SUFU: variants seen among roughly 807,000 people sequenced by gnomAD.
SUFU encodes SUFU negative regulator of hedgehog signaling, also known as suppressor of fused homolog.
SUFU carries 7 observed loss-of-function variants against 58.9 expected under a neutral mutation model. The observed-to-expected ratio is 0.12, with a 90% CI of 0.07 to 0.22. The LOEUF (loss-of-function observed/expected upper bound fraction) is 0.22, where lower values mean the gene tolerates loss of function less well. SUFU is among the 10% of genes least tolerant of loss of function. The probability of loss-of-function intolerance (pLI) is 1.00; values close to 1 mark genes in which losing one functional copy is unlikely to be tolerated. For missense variants in SUFU, 451 were observed against 641.3 expected (o/e 0.70, Z 3.20); for synonymous variants, 232 against 254.8 (o/e 0.91, Z 0.85).
In SUFU at chr10:102,628,201, A is replaced by C. The variant is rs1415616502; in HGVS notation, c.1365+958A>C. Among the ~76,000 whole-genome samples the C allele has an allele frequency of 6.6e-6, 1 of 152,118 alleles. No individual in the cohort carries two copies. The highest frequency in any genetic ancestry group is 1.9e-4 in the East Asian group (1 of 5,182). On this transcript the variant is annotated intron_variant, in intron 11 of 11. Coordinates refer to ENST00000369902, the MANE Select transcript of SUFU (RefSeq NM_016169.4). This position sits in a 1 kb window ranked among gnomAD's most constrained non-coding sequence, Gnocchi z 4.5. ...GCCAGGGCTGGAGCTTCCAGCTTCC[A>C]GGGCTCCCTGGGCTGCAACAGCCAG...
At chr10:102,577,889 G>A (rs2063230083) in intron 3 of SUFU, among the ~76,000 whole-genome samples, 1 of 146,664 alleles carries the variant, frequency 6.8e-6, no homozygotes, top group Non-Finnish European at 1.5e-5. Context: ...CACCATGTTA[G>A]CCAGGATGGT....
At chr10:102,558,630 G>A (rs1287120540) in intron 3 of SUFU, among the ~76,000 whole-genome samples, 2 of 152,206 alleles carry the variant, frequency 1.3e-5, no homozygotes, top group East Asian at 1.9e-4. Context: ...CAGGATTTAC[G>A]TTGAAAGTCT....
chr10:102,628,124 C>T lies in SUFU; in HGVS notation c.1365+881C>T, dbSNP rs2063803100. On this transcript the variant is annotated intron_variant, in intron 11 of 11. Coordinates refer to ENST00000369902, the MANE Select transcript of SUFU (RefSeq NM_016169.4). This position sits in a 1 kb window ranked among gnomAD's most constrained non-coding sequence, Gnocchi z 4.5. ...GCTTGGGGGAGAACTCCTTCGCCTC[C>T]CAGGGGCCAGGCTTTCTACCAAGAG... 6.6e-6 allele frequency among the ~76,000 whole-genome samples: 1 copy of T among 152,164 alleles called. No homozygotes were observed. The highest frequency in any genetic ancestry group is 2.1e-4 in the South Asian group (1 of 4,830).
chr10:102,608,962 C>T (rs1326374745), intron 8 of SUFU, among the ~76,000 whole-genome samples: 4 of 152,128 alleles, frequency 2.6e-5, no homozygotes, highest in Admixed American at 6.5e-5. Context: ...CCCTGTCTTC[C>T]AGGAAGGCAG....
At chr10:102,597,319 C>A (rs766479819) in intron 7 of SUFU, 26 bp downstream of exon 7, 1 of 1,606,902 alleles carries the variant, frequency 6.2e-7, no homozygotes, top group Non-Finnish European at 8.5e-7. Context: ...CAGCATTCCA[C>A]CAGCCTTCCT....
chr10:102,626,124 G>C (rs1301811528), intron 10 of SUFU, among the ~76,000 whole-genome samples: 1 of 152,260 alleles, frequency 6.6e-6, no homozygotes, highest in African/African-American at 2.4e-5. Flanking sequence ...GTGGAGGGAG[G>C]CTGGGAGGCC....
At chr10:102,528,526 C>T (rs948431209) in intron 2 of SUFU, among the ~76,000 whole-genome samples, 2 of 152,070 alleles carry the variant, frequency 1.3e-5, no homozygotes, top group Non-Finnish European at 2.9e-5. Context: ...GCTGTGATCA[C>T]GGCACTACAC....
intron 3 of SUFU, among the ~76,000 whole-genome samples, chr10:102,578,172 G>A (rs895699063): frequency 6.8e-6 from 1 of 148,096 alleles, no homozygotes; most frequent in African/African-American, 2.5e-5. Context: ...GCTGGGCGTG[G>A]TGGTGGGCGC....
At chr10:102,562,804 T>C (rs1357906736) in intron 3 of SUFU, among the ~76,000 whole-genome samples, 4 of 152,036 alleles carry the variant, frequency 2.6e-5, no homozygotes, top group Non-Finnish European at 5.9e-5. Flanking sequence ...GGCATGAGAA[T>C]TGCTTGAACC....
intron 1 of SUFU, among the ~76,000 whole-genome samples, chr10:102,507,704 T>C (rs1191033419): frequency 6.6e-6 from 1 of 152,268 alleles, no homozygotes; most frequent in Non-Finnish European, 1.5e-5. Context: ...AGTGTTTAAA[T>C]TGCCTGGTGC....
At chr10:102,548,896 T>C (rs184740538) in intron 2 of SUFU, among the ~76,000 whole-genome samples, 2 of 152,340 alleles carry the variant, frequency 1.3e-5, no homozygotes, top group East Asian at 3.9e-4. Flanking sequence ...TCCTCATTAT[T>C]CTGGGTCACT....
chr10:102,608,321 G>A (rs767976138), intron 8 of SUFU, among the ~76,000 whole-genome samples: 4 of 152,182 alleles, frequency 2.6e-5, no homozygotes, highest in Non-Finnish European at 5.9e-5. Context: ...AGTGACTATT[G>A]TAATGACCCT....
intron 3 of SUFU, among the ~76,000 whole-genome samples, chr10:102,571,745 T>A (rs2063163554): frequency 6.6e-6 from 1 of 152,216 alleles, no homozygotes; most frequent in Non-Finnish European, 1.5e-5. Context: ...TCTGTGTGTC[T>A]CAAGTTTGGA....
rs1222839777 is a variant in SUFU at position 102,618,605 on chromosome 10, C to T, written c.1296+1177C>T. On this transcript the variant is annotated intron_variant, in intron 10 of 11. Coordinates refer to ENST00000369902, the MANE Select transcript of SUFU (RefSeq NM_016169.4). ...CCTTTTTCCACTGTTGTTATTATATCGTTTCATAACAAAATTACTTTGAAC... is the reference window on the plus strand; with the variant it reads ...CCTTTTTCCACTGTTGTTATTATATTGTTTCATAACAAAATTACTTTGAAC... 8 of 170,666 alleles carry T rather than the reference C, an allele frequency of 4.7e-5. No homozygotes were observed. In the South Asian group the frequency reaches 5.3e-4, roughly 11 times the overall value. 10.6% of individuals were successfully genotyped at this position (170,666 alleles called of 1,614,324 possible). A position where few individuals can be genotyped will look rare whatever the true frequency, so the allele number is the denominator to read the frequency against.
At chr10:102,529,522 G>A (rs1460240540) in intron 2 of SUFU, among the ~76,000 whole-genome samples, 1 of 152,080 alleles carries the variant, frequency 6.6e-6, no homozygotes, top group Non-Finnish European at 1.5e-5. Context: ...GCCTGTAATC[G>A]CAGCACTTTG....
chr10:102,587,964 A>G (rs1206054615), intron 3 of SUFU, among the ~76,000 whole-genome samples: 1 of 152,216 alleles, frequency 6.6e-6, no homozygotes, highest in Non-Finnish European at 1.5e-5. Context: ...TCTGTGATCC[A>G]TTTTGAATTG....
chr10:102,611,277 C>T (rs1484190284), intron 8 of SUFU, among the ~76,000 whole-genome samples: 1 of 152,222 alleles, frequency 6.6e-6, no homozygotes, highest in Middle Eastern at 3.2e-3. Flanking sequence ...ATTCAGCTCG[C>T]TCTGGGCAAC....
At chr10:102,621,266 T>C (rs907911129) in intron 10 of SUFU, among the ~76,000 whole-genome samples, 1 of 152,186 alleles carries the variant, frequency 6.6e-6, no homozygotes, top group African/African-American at 2.4e-5. Flanking sequence ...GACCTTTGCT[T>C]GGACTGCCCC....
intron 2 of SUFU, among the ~76,000 whole-genome samples, chr10:102,516,132 T>C (rs953053116): frequency 1.3e-5 from 2 of 148,794 alleles, no homozygotes; most frequent in African/African-American, 4.9e-5. Flanking sequence ...TTTCTTTTTT[T>C]TTTTTTTTTT....
Sources: allele counts gnomAD v4.1 joint callset (sites outside exome capture counted in the v4.1 genomes callset), GRCh38; gene constraint gnomAD v4.1.1; non-coding constraint Gnocchi (gnomAD v3.1); transcripts MANE v1.5; gene names NCBI Gene and HGNC (gene_info 2026-07-23, HGNC 2026-07-21).